The following PIGK variants were observed in gnomAD, a reference collection of about 807,000 sequenced individuals.
PIGK encodes the protein phosphatidylinositol glycan anchor biosynthesis class K, also known as GPI-anchor transamidase.
PIGK carries 42 observed loss-of-function variants against 50.6 expected under a neutral mutation model. The observed-to-expected ratio is 0.83, with a 90% CI of 0.65 to 1.07. The LOEUF (loss-of-function observed/expected upper bound fraction) is 1.07. Ranked by LOEUF, PIGK falls within the 50% of genes least tolerant of loss-of-function variation. The pLI is 0.00. For synonymous variants in PIGK, 151 were observed against 156.0 expected, an observed-to-expected ratio of 0.97 and a Z score of 0.24; for missense variants, 448 against 488.7, an observed-to-expected ratio of 0.92 and a Z score of 0.78.
At chr1:77,172,892 C>A (rs1570241001) in intron 3 of PIGK, among the ~76,000 whole-genome samples, 1 of 152,140 alleles carries the variant, frequency 6.6e-6, no homozygotes, top group South Asian at 2.1e-4. Flanking sequence ...CCACTGCACT[C>A]CAGCCTGGGC....
chr1:77,111,248 T>C (rs566027762), intron 10 of PIGK, among the ~76,000 whole-genome samples: 2 of 152,200 alleles, frequency 1.3e-5, no homozygotes, highest in African/African-American at 2.4e-5. Flanking sequence ...CCAGCCATCC[T>C]ATTACCGGGT....
rs1044121104 is a variant in PIGK at position 77,208,646 on chromosome 1, T to C, written c.147+1790A>G. On this transcript the variant is annotated intron_variant, in intron 2 of 10. Coordinates refer to ENST00000370812, the MANE Select transcript of PIGK (RefSeq NM_005482.3). ...TAGGCATTGAAATCCTCTCTCCTTA[T>C]CTTTAGCAGTCTTTTCTCAGTAACT... 5.9e-5 allele frequency among the ~76,000 whole-genome samples: 9 copies of C among 152,304 alleles called. No homozygotes were observed. The South Asian group carries it at 1.9e-3, about 32-fold the overall frequency.
intron 9 of PIGK, among the ~76,000 whole-genome samples, chr1:77,145,111 G>C (rs1156528435): frequency 2.0e-5 from 3 of 151,900 alleles, no homozygotes; most frequent in Non-Finnish European, 2.9e-5. Flanking sequence ...CGAATCATGT[G>C]ATCATAGTTT....
intron 8 of PIGK, among the ~76,000 whole-genome samples, chr1:77,158,635 C>G (rs567602732): frequency 1.3e-5 from 2 of 152,174 alleles, no homozygotes; most frequent in Admixed American, 1.3e-4. Context: ...AAAGGTGATT[C>G]TTGCTATGCT....
At chr1:77,114,420 A>G (rs1158106999) in intron 10 of PIGK, among the ~76,000 whole-genome samples, 1 of 152,176 alleles carries the variant, frequency 6.6e-6, no homozygotes. Flanking sequence ...AAATGAAAAG[A>G]AACAGATGCT....
intron 3 of PIGK, among the ~76,000 whole-genome samples, chr1:77,186,591 T>C (rs1655751995): frequency 6.6e-6 from 1 of 152,184 alleles, no homozygotes; most frequent in Non-Finnish European, 1.5e-5. Flanking sequence ...AGCTCAGCAA[T>C]GGGTGACTTC....
At chr1:77,204,300 G>A (rs1301542012) in intron 3 of PIGK, among the ~76,000 whole-genome samples, 4 of 152,080 alleles carry the variant, frequency 2.6e-5, no homozygotes, top group Non-Finnish European at 4.4e-5. Flanking sequence ...AGGCCTATTA[G>A]GATTAGGAAA....
chr1:77,204,217 C>T (rs975833555), intron 3 of PIGK, among the ~76,000 whole-genome samples: 4 of 152,072 alleles, frequency 2.6e-5, no homozygotes, highest in African/African-American at 9.7e-5. Flanking sequence ...TCTAAAATGG[C>T]CACTCTGGGA....
At position 77,137,481 on chromosome 1, in the gene PIGK, T is replaced by C. The variant is rs1489475767; in HGVS notation, c.987-15122A>G. 4.6e-5 allele frequency among the ~76,000 whole-genome samples: 7 copies of C among 152,366 alleles called. No individual in the cohort carries two copies. The South Asian group carries it at 6.2e-4, about 14-fold the overall frequency. On this transcript the variant is annotated intron_variant, in intron 9 of 10. Coordinates refer to ENST00000370812, the MANE Select transcript of PIGK (RefSeq NM_005482.3). ...AATTTGAATAATTGTGGTTTACAAA[T>C]ATGAAAGTCTATTTGGCCTTTTCCA...
chr1:77,106,724 A>G (rs983728194), intron 10 of PIGK, among the ~76,000 whole-genome samples: 3 of 152,088 alleles, frequency 2.0e-5, no homozygotes, highest in Non-Finnish European at 4.4e-5. Context: ...TATAATAATT[A>G]CTTGATAATT....
chr1:77,217,589 C>A (rs1459646409), intron 1 of PIGK, among the ~76,000 whole-genome samples: 1 of 150,182 alleles, frequency 6.7e-6, no homozygotes, highest in Non-Finnish European at 1.5e-5. Context: ...ATTGGAACTG[C>A]ATTTTTAAAA....
At chr1:77,162,978 TC>T (rs1414469933) in intron 6 of PIGK, among the ~76,000 whole-genome samples, 1 of 152,134 alleles carries the variant, frequency 6.6e-6, no homozygotes, top group Non-Finnish European at 1.5e-5. Context: ...TTTCTGTGCC[TC>T]AGTTCACTCA....
intron 3 of PIGK, among the ~76,000 whole-genome samples, chr1:77,198,205 T>G (rs1048606029): frequency 1.5e-4 from 23 of 152,094 alleles, no homozygotes; most frequent in African/African-American, 5.5e-4. Context: ...ATCCTTTTTC[T>G]TTATTATTAC....
intron 10 of PIGK, among the ~76,000 whole-genome samples, chr1:77,115,374 T>C (rs1475140301): frequency 6.6e-6 from 1 of 152,096 alleles, no homozygotes; most frequent in Admixed American, 6.5e-5. Flanking sequence ...ATTACCTGTA[T>C]TGGTCCTCAA....
chr1:77,136,573 C>T (rs976888658), intron 9 of PIGK, among the ~76,000 whole-genome samples: 2 of 147,488 alleles, frequency 1.4e-5, no homozygotes, highest in Admixed American at 6.7e-5. Flanking sequence ...TGTTTGCTGT[C>T]AACTTAGTTG....
intron 8 of PIGK, among the ~76,000 whole-genome samples, chr1:77,157,486 A>G (rs1478557544): frequency 6.6e-6 from 1 of 152,232 alleles, no homozygotes; most frequent in Non-Finnish European, 1.5e-5. Flanking sequence ...CAAGGTACAT[A>G]TATTTAAACT....
chr1:77,210,376 C>A (rs1656389128), intron 2 of PIGK, 60 bp downstream of exon 2: 4 of 968,970 alleles, frequency 4.1e-6, no homozygotes, highest in Non-Finnish European at 4.5e-6. Flanking sequence ...TTGATTCACA[C>A]AAATTTCTCA....
chr1:77,200,807 C>A (rs1438034761), intron 3 of PIGK, among the ~76,000 whole-genome samples: 1 of 152,052 alleles, frequency 6.6e-6, no homozygotes, highest in Non-Finnish European at 1.5e-5. Flanking sequence ...AGTCATTTAA[C>A]CACTCTGAGC....
At chr1:77,190,227 A>G (rs1655867174) in intron 3 of PIGK, among the ~76,000 whole-genome samples, 1 of 151,660 alleles carries the variant, frequency 6.6e-6, no homozygotes, top group South Asian at 2.1e-4. Flanking sequence ...ATCTCTACCA[A>G]AAAAAAACAA....
Sources: gnomAD v4.1 joint callset for allele counts (sites outside exome capture counted in the v4.1 genomes callset) on GRCh38, gnomAD v4.1.1 for gene constraint, MANE v1.5 for transcripts, NCBI Gene and HGNC (gene_info 2026-07-23, HGNC 2026-07-21) for gene names.